The following RNF123 variants were observed in gnomAD, a reference collection of about 807,000 sequenced individuals.
RNF123 encodes ring finger protein 123, also known as E3 ubiquitin-protein ligase RNF123.
A neutral mutation model predicts 168.5 loss-of-function variants in RNF123; 86 were observed. The ratio of observed to expected loss-of-function variants is 0.51; its 90% CI spans 0.43 to 0.61. RNF123 has a LOEUF of 0.61. Among genes scored for constraint, RNF123 ranks in the 20% least tolerant of loss-of-function variants. The pLI is 0.00. For missense variants in RNF123, 1,419 were observed against 1,729.7 expected (o/e 0.82, Z 3.19); for synonymous variants, 666 against 689.1 (o/e 0.97, Z 0.52).
intron 1 of RNF123, among the ~76,000 whole-genome samples, chr3:49,690,143 G>A (rs1269886409): frequency 6.6e-6 from 1 of 152,202 alleles, no homozygotes; most frequent in Admixed American, 6.5e-5. Flanking sequence ...TGTTTGGGGT[G>A]AGATAAGAGA....
chr3:49,695,441 C>G (rs2108176198), intron 3 of RNF123, among the ~76,000 whole-genome samples: 1 of 152,322 alleles, frequency 6.6e-6, no homozygotes, highest in East Asian at 1.9e-4. Context: ...CTTGGGCCCA[C>G]TGGGGTATTC....
At chr3:49,695,397 G>A (rs1435637451) in intron 3 of RNF123, among the ~76,000 whole-genome samples, 1 of 152,174 alleles carries the variant, frequency 6.6e-6, no homozygotes, top group Non-Finnish European at 1.5e-5. Flanking sequence ...ACCATGCTTG[G>A]CCTGTAACTG....
rs186144778 is a variant in RNF123 at position 49,705,530 on chromosome 3, C to G, written c.2159-4C>G. The G allele has an allele frequency of 1.1e-5, 18 of 1,585,452 alleles. No individual in the cohort carries two copies. Among genetic ancestry groups the G allele is most frequent in the Non-Finnish European group, 1.4e-5 (16 of 1,166,928 alleles). The stretch of plus-strand genomic sequence containing the variant: ...CCTTGACCCTTCCCTCCCCAACTCC[C>G]CAGTTGAAGGCAGCCACTGGAATGA... On this transcript the variant is annotated splice_region_variant and splice_polypyrimidine_tract_variant and intron_variant, in intron 23 of 38. Coordinates refer to ENST00000327697, the MANE Select transcript of RNF123 (RefSeq NM_022064.5).
chr3:49,718,826 G>A (rs761101273), intron 35 of RNF123: 7 of 1,613,290 alleles, frequency 4.3e-6, no homozygotes, highest in Admixed American at 1.7e-5. Flanking sequence ...TGCAAGTAGA[G>A]GCCGTTCTTG....
At chr3:49,700,156 A>G (rs1048702908) in intron 12 of RNF123, 71 bp from the exon 13 acceptor site, 10 of 1,592,870 alleles carry the variant, frequency 6.3e-6, no homozygotes, top group African/African-American at 5.4e-5. Context: ...TGCCTTGGCC[A>G]TGTGCCAGGG....
chr3:49,697,996 C>T, intron 6 of RNF123, 56 bp from the exon 7 acceptor site: 1 of 1,612,480 alleles, frequency 6.2e-7, no homozygotes, highest in Admixed American at 1.7e-5. Flanking sequence ...AGGGCCCAGG[C>T]ATGAGGCAAG....
intron 35 of RNF123, chr3:49,718,238 A>G (rs778615839): frequency 1.6e-5 from 25 of 1,611,466 alleles, no homozygotes; most frequent in Admixed American, 5.0e-5. Context: ...GCACGGCGGC[A>G]GCAGCGGCAG....
At chr3:49,704,938 G>A (rs1437094076) in intron 22 of RNF123, 46 bp from the exon 23 acceptor site, 2 of 1,546,498 alleles carry the variant, frequency 1.3e-6, no homozygotes, top group South Asian at 1.2e-5. Context: ...GTGGGCCAAG[G>A]GAACCCTGAG....
At position 49,700,742 on chromosome 3, in the gene RNF123, A is replaced by G. The variant is rs779422108; in HGVS notation, c.1277+33A>G. Reference sequence around the variant, plus strand: ...TTCCTTGCTGCCTGGCAGGCCAGACATGGGGTGCCCTCTGGACTCAGCAGA... The same window carrying G: ...TTCCTTGCTGCCTGGCAGGCCAGACGTGGGGTGCCCTCTGGACTCAGCAGA... On this transcript the variant is annotated intron_variant, in intron 15 of 38. Transcript: ENST00000327697. 6.2e-6 allele frequency: 10 copies of G among 1,609,212 alleles called. No individual in the cohort carries two copies. In the East Asian group the frequency reaches 8.9e-5, roughly 14 times the overall value.
At chr3:49,719,602 G>A in intron 35 of RNF123, 1 of 724,058 alleles carries the variant, frequency 1.4e-6, no homozygotes, top group Non-Finnish European at 2.3e-6. Context: ...CTTGCCAGCC[G>A]ACGGCCCCTA....
intron 1 of RNF123, among the ~76,000 whole-genome samples, chr3:49,690,300 T>C (rs1431031261): frequency 6.6e-6 from 1 of 152,240 alleles, no homozygotes; most frequent in Non-Finnish European, 1.5e-5. Context: ...CATGTGGTCA[T>C]TGAACTCTTG....
At position 49,699,652 on chromosome 3, in the gene RNF123, C is replaced by T; in HGVS notation, c.880-16C>T. On this transcript the variant is annotated splice_polypyrimidine_tract_variant and intron_variant, in intron 11 of 38. Transcript: ENST00000327697. This position sits in a 1 kb window ranked among gnomAD's most constrained non-coding sequence, Gnocchi z 4.8. ...CTCCTGCCCCTCACACTTCTCCCTCCTCCCCCTCCACACAGGAGGGGCGGC... is the reference window on the plus strand; with the variant it reads ...CTCCTGCCCCTCACACTTCTCCCTCTTCCCCCTCCACACAGGAGGGGCGGC... 6.2e-7 allele frequency: 1 copy of T among 1,613,348 alleles called. No homozygotes were observed. The highest frequency in any genetic ancestry group is 1.1e-5 in the South Asian group (1 of 91,068).
In RNF123 at chr3:49,702,663, A is replaced by C. The variant is rs967697708; in HGVS notation, c.1660A>C (p.Met554Leu). The change falls in exon 20 of 39, where the codon ATG becomes CTG. Residue 554 changes from methionine to leucine, a missense_variant. By Grantham distance (15) the Met-to-Leu change is conservative. Coordinates refer to ENST00000327697, the MANE Select transcript of RNF123 (RefSeq NM_022064.5). ...GCCCATGCTCTGCCCCCCTGAGTAC[A>C]TGGTCTGCTTCTTACACCGGCTGAT... ...NMPMLCPPEY[M>L]VCFLHRLISA... 1 of 1,614,070 alleles carries C rather than the reference A, an allele frequency of 6.2e-7. No homozygotes were observed. Among genetic ancestry groups the C allele is most frequent in the South Asian group, 1.1e-5 (1 of 91,090 alleles).
chr3:49,719,206 A>C (rs769426396), intron 35 of RNF123: 1 of 1,613,120 alleles, frequency 6.2e-7, no homozygotes, highest in Non-Finnish European at 8.5e-7. Context: ...CAGGGCGCGC[A>C]GCTGGAAGAG....
At chr3:49,700,835 A>G (rs1487472403) in intron 15 of RNF123, 126 bp downstream of exon 15, 12 of 992,586 alleles carry the variant, frequency 1.2e-5, no homozygotes, top group Admixed American at 3.8e-5. Flanking sequence ...GAGCTGCCCA[A>G]CGTGGCATTT....
intron 35 of RNF123, chr3:49,718,813 T>G: frequency 1.2e-6 from 2 of 1,613,304 alleles, no homozygotes; most frequent in Non-Finnish European, 1.7e-6. Flanking sequence ...CAAAGGGTTG[T>G]TGTGCAAGTA....
intron 3 of RNF123, among the ~76,000 whole-genome samples, chr3:49,693,250 G>A (rs1384831308): frequency 2.6e-5 from 4 of 151,002 alleles, no homozygotes; most frequent in African/African-American, 4.9e-5. Context: ...GGGTTTCACC[G>A]TGTTAGCCAG....
At position 49,699,044 on chromosome 3, in the gene RNF123, C is replaced by T; in HGVS notation, c.703C>T (p.Pro235Ser). Reference protein sequence around the residue: ...LSRGLGMAYFPAISLSFKESV... With the variant: ...LSRGLGMAYFSAISLSFKESV... ...CAGGGGCCTGGGTATGGCCTACTTC[C>T]CAGCCATCAGCCTCTCTTTCAAGGA... Residue 235 changes from proline to serine, a missense_variant, in exon 10 of 39, where the codon CCA becomes TCA. This residue lies in a region of RNF123 where 318 missense variants were observed against 446.6 expected (regional missense o/e 0.71). Transcript: ENST00000327697. This position sits in a 1 kb window ranked among gnomAD's most constrained non-coding sequence, Gnocchi z 4.8. 4 of 1,613,928 alleles carry T rather than the reference C, an allele frequency of 2.5e-6. No individual in the cohort carries two copies. The highest frequency in any genetic ancestry group is 3.4e-6 in the Non-Finnish European group (4 of 1,180,026).
In RNF123 at chr3:49,720,805, G is replaced by A. The variant is rs1559694603; in HGVS notation, c.3649G>A (p.Asp1217Asn). 1 of 1,614,168 alleles carries A rather than the reference G, an allele frequency of 6.2e-7. No individual in the cohort carries two copies. The highest frequency in any genetic ancestry group is 8.5e-7 in the Non-Finnish European group (1 of 1,180,026). ...RKRFSLQSYA[D>N]YISADELAQV... ...CACTACCTACCACTCCCCAGATGCGGATTATATCAGTGCCGATGAGCTGGC... is the reference window on the plus strand; with the variant it reads ...CACTACCTACCACTCCCCAGATGCGAATTATATCAGTGCCGATGAGCTGGC... The change falls in exon 37 of 39, where the codon GAT (aspartate) becomes AAT (asparagine). Residue 1217 changes from aspartate (D) to asparagine (N), a missense_variant. Asp to Asn is a conservative substitution (Grantham distance 23). This residue lies in a region of RNF123 where 164 missense variants were observed against 152.3 expected (regional missense o/e 1.08). Transcript: ENST00000327697.
Sources: allele counts gnomAD v4.1 joint callset (sites outside exome capture counted in the v4.1 genomes callset), GRCh38; gene constraint gnomAD v4.1.1; regional missense constraint gnomAD v4.1.1; non-coding constraint Gnocchi (gnomAD v3.1); transcripts MANE v1.5; gene names NCBI Gene and HGNC (gene_info 2026-07-23, HGNC 2026-07-21).